The following NDUFAF2 variants were observed in gnomAD, a reference collection of about 807,000 sequenced individuals.
NDUFAF2 encodes the protein NADH:ubiquinone oxidoreductase complex assembly factor 2, also known as NADH dehydrogenase [ubiquinone] 1 alpha subcomplex assembly factor 2.
A neutral mutation model predicts 22.8 loss-of-function variants in NDUFAF2; 13 were observed. The observed-to-expected ratio is 0.57, with a 90% confidence interval of 0.37 to 0.91. The LOEUF (loss-of-function observed/expected upper bound fraction) is 0.91, where lower values mean the gene tolerates loss of function less well. Ranked by LOEUF, NDUFAF2 falls within the 40% of genes least tolerant of loss-of-function variation. NDUFAF2 has a pLI of 0.01. For synonymous variants in NDUFAF2, 53 were observed against 64.2 expected, an observed-to-expected ratio of 0.83 and a Z score of 0.84; for missense variants, 162 against 195.2, an observed-to-expected ratio of 0.83 and a Z score of 1.01.
At position 60,952,136 on chromosome 5, in the gene NDUFAF2, T is replaced by C. The variant is rs532931917; in HGVS notation, c.127+6754T>C. On this transcript the variant is annotated intron_variant, in intron 1 of 3. Coordinates refer to ENST00000296597, the MANE Select transcript of NDUFAF2 (RefSeq NM_174889.5). ...TATCTGATGAGTGGTTTGTTAATTT[T>C]ATTGATCATTTTAGAGAATTAGCTT... is the stretch of plus-strand genomic sequence containing the variant. Among the ~76,000 whole-genome samples, 3 of 152,138 alleles carry C rather than the reference T, an allele frequency of 2.0e-5. No individual in the cohort carries two copies. In the East Asian group the frequency reaches 5.8e-4, roughly 29 times the overall value.
intron 1 of NDUFAF2, among the ~76,000 whole-genome samples, chr5:61,032,046 T>C (rs2112610157): frequency 6.6e-6 from 1 of 152,360 alleles, no homozygotes; most frequent in South Asian, 2.1e-4. Flanking sequence ...TGTCTGTTCA[T>C]ATCCTTTGCC....
At chr5:60,958,422 G>A (rs1384556077) in intron 1 of NDUFAF2, among the ~76,000 whole-genome samples, 1 of 151,758 alleles carries the variant, frequency 6.6e-6, no homozygotes, top group Non-Finnish European at 1.5e-5. Context: ...CATTCATTTT[G>A]TTCTCAGCTA....
At chr5:61,050,014 T>C (rs749047141) in intron 1 of NDUFAF2, among the ~76,000 whole-genome samples, 23 of 152,044 alleles carry the variant, frequency 1.5e-4, no homozygotes, top group Non-Finnish European at 2.6e-4. Context: ...CCATTGTGAA[T>C]AATGCTGCAA....
chr5:61,002,127 A>G (rs1751304762), intron 1 of NDUFAF2, among the ~76,000 whole-genome samples: 1 of 152,114 alleles, frequency 6.6e-6, no homozygotes, highest in Admixed American at 6.6e-5. Context: ...GTGGAACTTC[A>G]GAGAATCAAA....
chr5:61,097,139 G>A (rs1004942529), intron 2 of NDUFAF2, among the ~76,000 whole-genome samples: 1 of 152,178 alleles, frequency 6.6e-6, no homozygotes, highest in African/African-American at 2.4e-5. Context: ...GAATGTTGCT[G>A]TTTCCACCCC....
chr5:61,101,540 A>G (rs1405492316), intron 3 of NDUFAF2, among the ~76,000 whole-genome samples: 1 of 152,098 alleles, frequency 6.6e-6, no homozygotes, highest in East Asian at 1.9e-4. Context: ...TGCTGATCTT[A>G]TGTTCCTGGT....
chr5:61,107,044 TATACACACACAC>T (rs1248402486), intron 3 of NDUFAF2, among the ~76,000 whole-genome samples: 8 of 64,734 alleles, frequency 1.2e-4, no homozygotes, highest in Non-Finnish European at 2.1e-4. Flanking sequence ...TTTGGATAAA[TATACACACACAC>T]ACACACACAC....
At chr5:60,976,532 T>C (rs1750905431) in intron 1 of NDUFAF2, among the ~76,000 whole-genome samples, 2 of 152,212 alleles carry the variant, frequency 1.3e-5, no homozygotes, top group Non-Finnish European at 2.9e-5. Context: ...GGGTAGACTT[T>C]GGCTTACTTT....
At chr5:61,141,718 T>C (rs892223749) in intron 3 of NDUFAF2, among the ~76,000 whole-genome samples, 3 of 152,148 alleles carry the variant, frequency 2.0e-5, no homozygotes, top group Non-Finnish European at 4.4e-5. Flanking sequence ...AATAAGTATA[T>C]CTTTCAGGGC....
intron 1 of NDUFAF2, among the ~76,000 whole-genome samples, chr5:61,020,522 T>C (rs951952110): frequency 6.6e-6 from 1 of 151,178 alleles, no homozygotes; most frequent in Non-Finnish European, 1.5e-5. Flanking sequence ...ACCCATGAAT[T>C]ATTTTGAACT....
intron 1 of NDUFAF2, among the ~76,000 whole-genome samples, chr5:61,011,436 A>G (rs1389915940): frequency 6.6e-6 from 1 of 152,110 alleles, no homozygotes; most frequent in Non-Finnish European, 1.5e-5. Flanking sequence ...TTAGTTGGGT[A>G]GAACATTTAG....
chr5:61,147,871 T>C (rs1046459848), intron 3 of NDUFAF2, among the ~76,000 whole-genome samples: 1 of 152,194 alleles, frequency 6.6e-6, no homozygotes, highest in Non-Finnish European at 1.5e-5. Flanking sequence ...ATCTTTACAA[T>C]GTCTCAGGTG....
In NDUFAF2 at chr5:61,152,803, C is replaced by T; in HGVS notation, c.358C>T (p.Leu120Phe). The part of the protein sequence containing the change: ...KLLSKETSEE[L>F]LPPPVQTQIK... ...CCTTAGTAAAGAGACCAGTGAGGAA[C>T]TCCTGCCTCCACCAGTTCAAACTCA... The change falls in exon 4 of 4, where the codon CTC becomes TTC. Residue 120 changes from leucine (L) to phenylalanine (F), a missense_variant. Physicochemically the swap from Leu to Phe is conservative, Grantham distance 22. Coordinates refer to ENST00000296597, the MANE Select transcript of NDUFAF2 (RefSeq NM_174889.5). 7 of 1,601,934 alleles carry T rather than the reference C, an allele frequency of 4.4e-6. No individual in the cohort carries two copies. Among genetic ancestry groups the T allele is most frequent in the Non-Finnish European group, 4.3e-6 (5 of 1,173,414 alleles).
intron 1 of NDUFAF2, among the ~76,000 whole-genome samples, chr5:60,971,327 G>A (rs1032882055): frequency 1.4e-5 from 2 of 142,978 alleles, no homozygotes; most frequent in African/African-American, 5.2e-5. Context: ...TGGCTCTTTC[G>A]CCCAGGCTGG....
chr5:61,046,523 G>C (rs543508476), intron 1 of NDUFAF2, among the ~76,000 whole-genome samples: 1 of 152,014 alleles, frequency 6.6e-6, no homozygotes, highest in Non-Finnish European at 1.5e-5. Flanking sequence ...TTTAGTCTTG[G>C]TAGGTTGTGT....
At chr5:61,024,086 T>A (rs1477192288) in intron 1 of NDUFAF2, among the ~76,000 whole-genome samples, 1 of 152,188 alleles carries the variant, frequency 6.6e-6, no homozygotes, top group Non-Finnish European at 1.5e-5. Flanking sequence ...AGTATTTCTC[T>A]GTGTTTGGAG....
At chr5:60,984,834 G>C (rs57366470) in intron 1 of NDUFAF2, among the ~76,000 whole-genome samples, 8 of 152,140 alleles carry the variant, frequency 5.3e-5, no homozygotes, top group Admixed American at 2.6e-4. Flanking sequence ...ATGTTCATCA[G>C]GGATGTTGGT....
At chr5:61,136,042 T>TATATATATATATATATATA in intron 3 of NDUFAF2, among the ~76,000 whole-genome samples, 1 of 123,322 alleles carries the variant, frequency 8.1e-6, no homozygotes, top group African/African-American at 3.3e-5. Context: ...TATATATATA[T>TATATATATATATATATATA]CTAGGGTGGA....
intron 3 of NDUFAF2, among the ~76,000 whole-genome samples, chr5:61,121,723 A>C (rs1752978400): frequency 6.6e-6 from 1 of 152,114 alleles, no homozygotes; most frequent in Non-Finnish European, 1.5e-5. Flanking sequence ...TTAAATTAGT[A>C]GGCCTCATCC....
Sources: allele counts gnomAD v4.1 joint callset (sites outside exome capture counted in the v4.1 genomes callset), GRCh38; gene constraint gnomAD v4.1.1; transcripts MANE v1.5; gene names NCBI Gene and HGNC (gene_info 2026-07-23, HGNC 2026-07-21).